TTF1: variants seen among roughly 807,000 people sequenced by gnomAD.
TTF1 encodes transcription termination factor 1, also known as transcription termination factor, RNA polymerase I.
A neutral mutation model predicts 80.2 loss-of-function variants in TTF1; 64 were observed. The observed-to-expected ratio is 0.80, with a 90% confidence interval of 0.65 to 0.98. TTF1 has a LOEUF of 0.98. TTF1 is among the 50% of genes least tolerant of loss of function. The pLI is 0.00. For missense variants in TTF1, 1,023 were observed against 1,086.2 expected, an observed-to-expected ratio of 0.94 and a Z score of 0.82; for synonymous variants, 372 against 382.7, an observed-to-expected ratio of 0.97 and a Z score of 0.33.
At chr9:132,399,629 C>T (rs188754006) in intron 3 of TTF1, among the ~76,000 whole-genome samples, 9 of 152,096 alleles carry the variant, frequency 5.9e-5, no homozygotes, top group Admixed American at 2.0e-4. Context: ...TCAAGTCTAC[C>T]ACAACTGGCT....
chr9:132,378,037 G>A (rs1378946512), intron 10 of TTF1, among the ~76,000 whole-genome samples: 2 of 129,016 alleles, frequency 1.6e-5, no homozygotes, highest in East Asian at 5.3e-4. Flanking sequence ...TGCATGTGGT[G>A]TGTGTGTGAA....
At chr9:132,390,093 A>T (rs938116130) in intron 7 of TTF1, among the ~76,000 whole-genome samples, 1 of 152,138 alleles carries the variant, frequency 6.6e-6, no homozygotes, top group Non-Finnish European at 1.5e-5. Context: ...CTCCTGCCTC[A>T]GCCTCCTGAG....
chr9:132,390,356 C>A (rs762285825), intron 7 of TTF1, among the ~76,000 whole-genome samples: 4 of 152,118 alleles, frequency 2.6e-5, no homozygotes, highest in Non-Finnish European at 5.9e-5. Flanking sequence ...AATCAGAAGT[C>A]AATATTCAGT....
chr9:132,379,300 T>C, intron 9 of TTF1, 156 bp from the exon 10 acceptor site: 1 of 490,624 alleles, frequency 2.0e-6, no homozygotes, highest in South Asian at 3.8e-5. Flanking sequence ...ATGACACAAT[T>C]TTTGTGGAAT....
Position 132,384,451 on chromosome 9 carries a change from G to A in TTF1, c.2378+2105C>T, listed in dbSNP as rs1181579830. Among the ~76,000 whole-genome samples, 1 of 152,148 alleles carries A rather than the reference G, an allele frequency of 6.6e-6. No individual in the cohort carries two copies. Among genetic ancestry groups the A allele is most frequent in the Non-Finnish European group, 1.5e-5 (1 of 68,032 alleles). On this transcript the variant is annotated intron_variant, in intron 9 of 10. Transcript: ENST00000334270. This position sits in a 1 kb window ranked among gnomAD's most constrained non-coding sequence, Gnocchi z 4.1. ...GCAATCAAAGCTGGTGCTTTGAAAA[G>A]ACAATCTCTGGTAACTCCTATTCAA...
chr9:132,402,232 G>A lies in TTF1; in HGVS notation c.590C>T (p.Ser197Phe). 1 of 1,614,138 alleles carries A rather than the reference G, an allele frequency of 6.2e-7. No homozygotes were observed. The highest frequency in any genetic ancestry group is 1.7e-5 in the Admixed American group (1 of 60,018). The change falls in exon 2 of 11, where the codon TCC (serine) becomes TTC (phenylalanine). Residue 197 changes from serine to phenylalanine, a missense_variant. Transcript: ENST00000334270. ...LPQSESHQEE[S>F]WLSVGPGGEI... ...ACCCCCTGGACCCACAGAAAGCCAGGACTCCTCCTGGTGGGATTCTGACTG... is the reference window on the plus strand; with the variant it reads ...ACCCCCTGGACCCACAGAAAGCCAGAACTCCTCCTGGTGGGATTCTGACTG...
rs369758010 is a variant in TTF1 at position 132,388,121 on chromosome 9, C to T, written c.2312+18G>A. ...GAGACAGAAACAGTTAAGAGGCATC[C>T]GTTTCTATTTTTCATACCTTTCAAT... On this transcript the variant is annotated intron_variant, in intron 8 of 10. Coordinates refer to ENST00000334270, the MANE Select transcript of TTF1 (RefSeq NM_007344.4). The T allele has an allele frequency of 8.2e-6, 13 of 1,582,686 alleles. No homozygotes were observed. Among genetic ancestry groups the T allele is most frequent in the African/African-American group, 6.7e-5 (5 of 74,330 alleles).
At position 132,402,814 on chromosome 9, in the gene TTF1, C is replaced by G. The variant is rs776385996; in HGVS notation, c.8G>C (p.Gly3Ala). The change falls in exon 2 of 11, where the codon GGA becomes GCA. Residue 3 changes from glycine to alanine, a missense_variant. Gly to Ala is a moderately conservative substitution (Grantham distance 60). Coordinates refer to ENST00000334270, the MANE Select transcript of TTF1 (RefSeq NM_007344.4). ...GTGGATTTCAAATCTGCTTGATTCT[C>G]CTTCCATTTTATTCCTATATGGAAA... is the stretch of plus-strand genomic sequence containing the variant. ME[G>A]ESSRFEIHTP... 6 of 1,575,710 alleles carry G rather than the reference C, an allele frequency of 3.8e-6. No homozygotes were observed. The highest frequency in any genetic ancestry group is 4.3e-6 in the Non-Finnish European group (5 of 1,166,912).
At position 132,385,586 on chromosome 9, in the gene TTF1, C is replaced by T. The variant is rs1003173353; in HGVS notation, c.2378+970G>A. The stretch of plus-strand genomic sequence containing the variant: ...GTGTCCGCATTCACTACTCTCTGTC[C>T]GAACATCTTCAGTCTCATCCCCGCA... On this transcript the variant is annotated intron_variant, in intron 9 of 10. Transcript: ENST00000334270. Among the ~76,000 whole-genome samples, 8 of 152,288 alleles carry T rather than the reference C, an allele frequency of 5.3e-5. No individual in the cohort carries two copies. In the South Asian group the frequency reaches 1.2e-3, roughly 24 times the overall value.
At chr9:132,393,711 G>A (rs138259741) in intron 5 of TTF1, among the ~76,000 whole-genome samples, 18 of 152,190 alleles carry the variant, frequency 1.2e-4, no homozygotes, top group Non-Finnish European at 2.1e-4. Context: ...CTCTAGCACC[G>A]CTGGGTTAGG....
At chr9:132,379,781 C>G (rs12684324) in intron 9 of TTF1, among the ~76,000 whole-genome samples, 27,861 of 152,124 alleles carry the variant, frequency 0.18, 2,613 homozygotes, top group East Asian at 0.31. Context: ...GGTTTTGGTA[C>G]GTTTTCAATT....
Position 132,402,596 on chromosome 9 carries a change from T to C in TTF1, c.226A>G (p.Thr76Ala), listed in dbSNP as rs1396757538. The C allele has an allele frequency of 1.9e-6, 3 of 1,613,852 alleles. No individual in the cohort carries two copies. The highest frequency in any genetic ancestry group is 2.5e-6 in the Non-Finnish European group (3 of 1,179,992). The change falls in exon 2 of 11, where the codon ACT (threonine) becomes GCT (alanine). Residue 76 changes from threonine (T) to alanine (A), a missense_variant. Transcript: ENST00000334270. ...TTGAGTGTGGAAGTGGCATTTGCAG[T>C]CTCATCACAGATTCTGGATTTTTTC... is the stretch of plus-strand genomic sequence containing the variant. ...PLKKSRICDE[T>A]ANATSTLKKR...
chr9:132,378,662 T>TG (rs1554728128), intron 10 of TTF1, among the ~76,000 whole-genome samples: 102 of 117,488 alleles, frequency 8.7e-4, no homozygotes, highest in African/African-American at 3.2e-3. Context: ...AGTGCATACG[T>TG]GTGTGAGTGC....
intron 1 of TTF1, among the ~76,000 whole-genome samples, 185 bp downstream of exon 1, chr9:132,406,605 A>T (rs1427183432): frequency 9.7e-5 from 1 of 10,348 alleles, no homozygotes; most frequent in Non-Finnish European, 4.7e-4. Flanking sequence ...TCCATCTTTA[A>T]AAAAAAAAAA....
chr9:132,391,737 C>T lies in TTF1; in HGVS notation c.1987+339G>A, dbSNP rs117939960. On this transcript the variant is annotated intron_variant, in intron 6 of 10. Transcript: ENST00000334270. ...CGCCTGACGGGCACGAACTGCGTGCCTGCCTCCCTCCCAACGTGTCCCGTG... is the reference window on the plus strand; with the variant it reads ...CGCCTGACGGGCACGAACTGCGTGCTTGCCTCCCTCCCAACGTGTCCCGTG... Among the ~76,000 whole-genome samples, 55 of 152,340 alleles carry T rather than the reference C, an allele frequency of 3.6e-4. 2 individuals are homozygous for T. The East Asian group carries it at 0.011, about 29-fold the overall frequency.
Position 132,379,120 on chromosome 9 carries a change from T to C in TTF1, c.2403A>G (p.Gln801=), listed in dbSNP as rs774287892. 2 of 1,608,472 alleles carry C rather than the reference T, an allele frequency of 1.2e-6. No homozygotes were observed. Among genetic ancestry groups the C allele is most frequent in the East Asian group, 2.2e-5 (1 of 44,822 alleles). The part of the protein sequence containing the change: ...AIGDVPPSYV[Q]TKFSRLKAVY... ...CAGCTTTCAGCCTAGAAAATTTAGT[T>C]TGAACGTAAGATGGAGGAACATCAC... The change falls in exon 10 of 11, where the codon CAA becomes CAG. Residue 801 remains glutamine (Q), a synonymous_variant. Coordinates refer to ENST00000334270, the MANE Select transcript of TTF1 (RefSeq NM_007344.4).
At chr9:132,403,031 T>C (rs779822840) in intron 1 of TTF1, among the ~76,000 whole-genome samples, 2 of 152,144 alleles carry the variant, frequency 1.3e-5, no homozygotes, top group East Asian at 3.9e-4. Context: ...AATTTTGTTT[T>C]TGTATTTTCA....
At chr9:132,389,182 C>CTTTTTTTTTTTTT (rs548985050) in intron 7 of TTF1, among the ~76,000 whole-genome samples, 1 of 135,136 alleles carries the variant, frequency 7.4e-6, no homozygotes. Flanking sequence ...CTCACTCTTC[C>CTTTTTTTTTTTTT]TTTTTTTTTT....
At position 132,402,513 on chromosome 9, in the gene TTF1, T is replaced by C; in HGVS notation, c.309A>G (p.Thr103=). 6.2e-7 allele frequency: 1 copy of C among 1,614,244 alleles called. No homozygotes were observed. Among genetic ancestry groups the C allele is most frequent in the Non-Finnish European group, 8.5e-7 (1 of 1,180,036 alleles). Residue 103 remains threonine, a synonymous_variant, in exon 2 of 11, where the codon ACA becomes ACG. Transcript: ENST00000334270. The stretch of plus-strand genomic sequence containing the variant: ...TATTTTCTTTATCCACAAGGACAAC[T>C]GTAACACCTGCTTCCTCGTCCACCT... ...ALEVDEEAGV[T]VVLVDKENIN...
Sources: gnomAD v4.1 joint callset for allele counts (sites outside exome capture counted in the v4.1 genomes callset) on GRCh38, gnomAD v4.1.1 for gene constraint, Gnocchi (gnomAD v3.1) non-coding constraint, MANE v1.5 for transcripts, NCBI Gene and HGNC (gene_info 2026-07-23, HGNC 2026-07-21) for gene names.